PRELID2: variants seen among roughly 807,000 people sequenced by gnomAD.
PRELID2 encodes PRELI domain containing 2.
PRELID2 carries 25 observed loss-of-function variants against 28.4 expected under a neutral mutation model. That is an observed-to-expected ratio of 0.88 (90% CI 0.64 to 1.23). The LOEUF (loss-of-function observed/expected upper bound fraction) is 1.23. Among genes scored for constraint, PRELID2 ranks in the 50% most tolerant of loss-of-function variants. PRELID2 has a pLI of 0.00. For missense variants in PRELID2, 201 were observed against 214.4 expected, an observed-to-expected ratio of 0.94 and a Z score of 0.39; for synonymous variants, 76 against 71.6, an observed-to-expected ratio of 1.06 and a Z score of -0.31.
chr5:145,817,393 T>A (rs1272706486), intron 4 of PRELID2, among the ~76,000 whole-genome samples: 1 of 122,330 alleles, frequency 8.2e-6, no homozygotes, highest in Non-Finnish European at 1.8e-5. Flanking sequence ...CAGGATTGAA[T>A]TATATGCAAT....
chr5:145,660,161 G>A (rs958456722), intron 1 of PRELID2, among the ~76,000 whole-genome samples: 1 of 152,176 alleles, frequency 6.6e-6, no homozygotes, highest in African/African-American at 2.4e-5. Flanking sequence ...TGAAGGATGA[G>A]CAAGGTCAGG....
intron 5 of PRELID2, among the ~76,000 whole-genome samples, chr5:145,770,727 A>T (rs1025499364): frequency 1.3e-5 from 2 of 152,240 alleles, no homozygotes; most frequent in African/African-American, 4.8e-5. Flanking sequence ...TTAACAAAAA[A>T]GTTCAAAAAG....
downstream of PRELID2, among the ~76,000 whole-genome samples, chr5:145,467,992 G>A (rs144476177): frequency 8.4e-3 from 1,273 of 151,972 alleles, 21 homozygotes; most frequent in African/African-American, 0.029. Context: ...ATGTATACAT[G>A]TGCCATGTTG....
chr5:145,484,038 G>A (rs1236274823), intron 1 of PRELID2, among the ~76,000 whole-genome samples: 3 of 152,162 alleles, frequency 2.0e-5, no homozygotes, highest in African/African-American at 7.2e-5. Context: ...AGAGCTGAGA[G>A]TCTAAAAGAG....
At chr5:145,402,574 A>C in the PRELID2 span, among the ~76,000 whole-genome samples, 1 of 152,194 alleles carries the variant, frequency 6.6e-6, no homozygotes, top group Non-Finnish European at 1.5e-5. Flanking sequence ...TCCCTTTTCC[A>C]ATTCTCACTG....
chr5:145,474,434 G>T (rs1327111896), intron 1 of PRELID2, among the ~76,000 whole-genome samples: 3 of 152,124 alleles, frequency 2.0e-5, no homozygotes, highest in African/African-American at 4.8e-5. Flanking sequence ...AGAAATCTGG[G>T]GATTAAGGGA....
At chr5:145,236,723 G>A in the PRELID2 span, among the ~76,000 whole-genome samples, 1 of 151,962 alleles carries the variant, frequency 6.6e-6, no homozygotes, top group Non-Finnish European at 1.5e-5. Context: ...GATTTACTGG[G>A]CACTGACCAA....
the PRELID2 span, among the ~76,000 whole-genome samples, chr5:145,438,418 G>A: frequency 6.6e-6 from 1 of 152,066 alleles, no homozygotes; most frequent in Admixed American, 6.6e-5. Context: ...CCCCTATCCT[G>A]AGAATTTCAG....
intron 1 of PRELID2, among the ~76,000 whole-genome samples, chr5:145,639,471 T>C (rs572585212): frequency 6.6e-6 from 1 of 152,290 alleles, no homozygotes; most frequent in South Asian, 2.1e-4. Context: ...CTGAAAACTG[T>C]CTCAAACATT....
intron 6 of PRELID2, among the ~76,000 whole-genome samples, chr5:145,762,272 C>T (rs1757511404): frequency 6.6e-6 from 1 of 152,128 alleles, no homozygotes; most frequent in Non-Finnish European, 1.5e-5. Context: ...CAATACGATG[C>T]CCTGAGTTCA....
In PRELID2 at chr5:145,759,816, C is replaced by T. The variant is rs1229976943; in HGVS notation, c.*720G>A. On this transcript the variant is annotated 3_prime_UTR_variant, in exon 7 of 7. Coordinates refer to ENST00000683046, the MANE Select transcript of PRELID2 (RefSeq NM_205846.3). ...AAAAAACAGAGAGGTTAATGATTTG[C>T]TTGCTCACCATCACAGAACGAATTA... 9.2e-5 allele frequency: 14 copies of T among 152,202 alleles called. No homozygotes were observed. The allele number at this position is 152,202 out of a possible 1,614,324, so 9.4% of individuals were successfully genotyped here.
intron 1 of PRELID2, among the ~76,000 whole-genome samples, chr5:145,682,676 G>T (rs186851917): frequency 5.9e-5 from 9 of 152,266 alleles, no homozygotes; most frequent in Admixed American, 2.6e-4. Flanking sequence ...GCCATGAGGA[G>T]GGAAATGCTG....
chr5:145,673,134 T>C (rs1260247287), intron 1 of PRELID2, among the ~76,000 whole-genome samples: 1 of 152,122 alleles, frequency 6.6e-6, no homozygotes, highest in Non-Finnish European at 1.5e-5. Flanking sequence ...CCAGGCCTAC[T>C]TAGAAAAGAC....
the PRELID2 span, among the ~76,000 whole-genome samples, chr5:145,458,180 A>T: frequency 3.3e-5 from 5 of 152,132 alleles, no homozygotes; most frequent in Non-Finnish European, 7.4e-5. Flanking sequence ...GATACAAAAA[A>T]TTTTCTAATC....
intron 1 of PRELID2, among the ~76,000 whole-genome samples, chr5:145,607,860 T>C (rs1753526887): frequency 6.6e-6 from 1 of 152,216 alleles, no homozygotes; most frequent in East Asian, 1.9e-4. Flanking sequence ...TCCCCCATTA[T>C]TATTGTATGC....
the PRELID2 span, among the ~76,000 whole-genome samples, chr5:145,353,920 G>A: frequency 6.6e-6 from 1 of 152,104 alleles, no homozygotes; most frequent in Non-Finnish European, 1.5e-5. Context: ...TGGCTAATTT[G>A]TCCTTACCAT....
At chr5:145,609,632 T>C (rs979666088) in intron 1 of PRELID2, among the ~76,000 whole-genome samples, 3 of 152,230 alleles carry the variant, frequency 2.0e-5, no homozygotes. Flanking sequence ...AGCTGTGGTA[T>C]GTCTGGCTAC....
In PRELID2 at chr5:145,758,262, C is replaced by T. The variant is rs557478540; in HGVS notation, c.*2274G>A. On this transcript the variant is annotated 3_prime_UTR_variant, in exon 7 of 7. Transcript: ENST00000683046. The stretch of plus-strand genomic sequence containing the variant: ...CCGCACTGTGCTGGAACCGGGCACA[C>T]AAGGCAGAAATTCAACCTCTCTGTG... 1.4e-4 allele frequency among the ~76,000 whole-genome samples: 22 copies of T among 152,072 alleles called. No individual in the cohort carries two copies. The highest frequency in any genetic ancestry group is 5.1e-4 in the African/African-American group (21 of 41,470).
chr5:145,329,984 AG>A, the PRELID2 span, among the ~76,000 whole-genome samples: 3 of 151,386 alleles, frequency 2.0e-5, no homozygotes, highest in African/African-American at 7.3e-5. Flanking sequence ...GAGTTTTTGA[AG>A]GGGTGTTGAA....
Sources: gnomAD v4.1 joint callset for allele counts (sites outside exome capture counted in the v4.1 genomes callset) on GRCh38, gnomAD v4.1.1 for gene constraint, MANE v1.5 for transcripts, NCBI Gene and HGNC (gene_info 2026-07-23, HGNC 2026-07-21) for gene names.